TES: variants seen among roughly 807,000 people sequenced by gnomAD.
The protein encoded by TES is testin.
Under a neutral mutation model 48.2 loss-of-function variants are expected in TES, and 41 were observed. The ratio of observed to expected loss-of-function variants is 0.85; its 90% CI spans 0.66 to 1.10. The LOEUF (loss-of-function observed/expected upper bound fraction) is 1.10. Ranked by LOEUF, TES falls within the 50% of genes least tolerant of loss-of-function variation. The pLI, the probability that TES is intolerant of heterozygous loss-of-function variation, is 0.00. For missense variants in TES, 463 were observed against 515.1 expected (o/e 0.90, Z 0.98); for synonymous variants, 162 against 174.9 (o/e 0.93, Z 0.58).
At chr7:116,254,183 T>C (rs1284878205) in intron 6 of TES, among the ~76,000 whole-genome samples, 1 of 152,222 alleles carries the variant, frequency 6.6e-6, no homozygotes, top group Non-Finnish European at 1.5e-5. Context: ...TGCTGCTGTC[T>C]GACCTTTAGT....
chr7:116,243,987 C>T (rs1477445862), intron 2 of TES: 1 of 152,196 alleles, frequency 6.6e-6, no homozygotes, highest in Non-Finnish European at 1.5e-5. Context: ...CTCATGAGAA[C>T]TCACTCACCA....
chr7:116,239,919 G>T (rs144887905), intron 2 of TES, among the ~76,000 whole-genome samples: 1 of 152,266 alleles, frequency 6.6e-6, no homozygotes, highest in African/African-American at 2.4e-5. Context: ...TAATATAATT[G>T]CAACCATGTC....
In TES at chr7:116,252,378, T is replaced by C; in HGVS notation, c.979T>C (p.Cys327Arg). Reference sequence around the variant, plus strand: ...CCAGAATTGGCACCTGAAACACTTCTGCTGCTTTGACTGTGATAGCATTCT... The same window carrying C: ...CCAGAATTGGCACCTGAAACACTTCCGCTGCTTTGACTGTGATAGCATTCT... ...ENQNWHLKHF[C>R]CFDCDSILAG... Residue 327 changes from cysteine to arginine, a missense_variant, in exon 6 of 7, where the codon TGC becomes CGC. Physicochemically the swap from Cys to Arg is radical, Grantham distance 180 (BLOSUM62 -3). Transcript: ENST00000358204. The C allele has an allele frequency of 6.2e-7, 1 of 1,614,216 alleles. No individual in the cohort carries two copies. Among genetic ancestry groups the C allele is most frequent in the East Asian group, 2.2e-5 (1 of 44,882 alleles).
rs1800132531 is a variant in TES at position 116,258,186 on chromosome 7, CT to C, written c.*707del. On this transcript the variant is annotated 3_prime_UTR_variant, in exon 7 of 7. Transcript: ENST00000358204. ...ATAACAGTATCCACACTTTTTAGTT[CT>C]TTATTTTTTTTTTTTTATTTTGAGC... is the stretch of plus-strand genomic sequence containing the variant. 1 of 121,072 alleles carries C rather than the reference CT, an allele frequency of 8.3e-6. No individual in the cohort carries two copies. Among genetic ancestry groups the C allele is most frequent in the Non-Finnish European group, 1.7e-5 (1 of 58,048 alleles). The allele number at this position is 121,072 out of a possible 1,614,324, so 7.5% of individuals were successfully genotyped here. A position where few individuals can be genotyped will look rare whatever the true frequency, so the allele number is the denominator to read the frequency against.
intron 1 of TES, among the ~76,000 whole-genome samples, chr7:116,212,982 G>A (rs1398930049): frequency 1.3e-5 from 2 of 152,048 alleles, no homozygotes; most frequent in African/African-American, 2.4e-5. Flanking sequence ...CTGGTAAATT[G>A]GAAGCTATTA....
chr7:116,236,439 A>G (rs1799772348), intron 2 of TES, among the ~76,000 whole-genome samples: 1 of 152,206 alleles, frequency 6.6e-6, no homozygotes, highest in South Asian at 2.1e-4. Context: ...GCTTATGTAC[A>G]TAAGCTGTAT....
chr7:116,252,180 T>G, intron 5 of TES, 138 bp from the exon 6 acceptor site: 1 of 1,060,814 alleles, frequency 9.4e-7, no homozygotes, highest in Non-Finnish European at 1.3e-6. Context: ...AAAGATTGAT[T>G]TAGACTAAAC....
chr7:116,254,772 G>GTA (rs1800073096), intron 6 of TES, among the ~76,000 whole-genome samples: 2 of 151,124 alleles, frequency 1.3e-5, no homozygotes, highest in African/African-American at 4.9e-5. Flanking sequence ...GTGTGTGTGT[G>GTA]TGTGTGTGTG....
rs773971098 is a variant in TES, at chr7:116,234,540, T to C, written c.34T>C (p.Leu12=). ...GATGTTTTCTTTTTAACAGATGGGC[T>C]TAGGTCACGAGCAAGGATTTGGAGC... ...DLENKVKKMG[L]GHEQGFGAPC... Residue 12 remains leucine (L), a synonymous_variant, in exon 2 of 7, where the codon TTA becomes CTA. Transcript: ENST00000358204. 6.2e-7 allele frequency: 1 copy of C among 1,613,734 alleles called. No homozygotes were observed. Among genetic ancestry groups the C allele is most frequent in the South Asian group, 1.1e-5 (1 of 91,082 alleles).
At chr7:116,231,900 T>C (rs1440720730) in intron 1 of TES, among the ~76,000 whole-genome samples, 1 of 152,144 alleles carries the variant, frequency 6.6e-6, no homozygotes, top group Non-Finnish European at 1.5e-5. Flanking sequence ...GGAATGACCT[T>C]GGCCAAGAGG....
intron 2 of TES, among the ~76,000 whole-genome samples, chr7:116,237,778 C>T (rs533606246): frequency 6.6e-6 from 1 of 152,282 alleles, no homozygotes; most frequent in African/African-American, 2.4e-5. Flanking sequence ...TGAGGTCTCT[C>T]TTCCTGGCTT....
intron 1 of TES, among the ~76,000 whole-genome samples, chr7:116,230,939 T>C (rs541133963): frequency 6.6e-6 from 1 of 152,336 alleles, no homozygotes; most frequent in Non-Finnish European, 1.5e-5. Context: ...CTTATTTATC[T>C]TGTCTTCCTT....
intron 2 of TES, among the ~76,000 whole-genome samples, chr7:116,244,766 A>C (rs1799898227): frequency 6.6e-6 from 1 of 152,170 alleles, no homozygotes; most frequent in Admixed American, 6.5e-5. Context: ...CTGCCCCTGC[A>C]ATAAACTTCT....
At chr7:116,214,793 A>T (rs1173298672) in intron 1 of TES, among the ~76,000 whole-genome samples, 1 of 152,096 alleles carries the variant, frequency 6.6e-6, no homozygotes, top group Non-Finnish European at 1.5e-5. Context: ...GTGCATGCCC[A>T]TACTCCATCT....
chr7:116,240,649 T>C (rs1363695318), intron 2 of TES, among the ~76,000 whole-genome samples: 2 of 152,182 alleles, frequency 1.3e-5, no homozygotes, highest in African/African-American at 2.4e-5. Flanking sequence ...AAAAGAATCA[T>C]GAAAAAGACT....
chr7:116,238,107 A>G (rs1345378887), intron 2 of TES: 2 of 152,090 alleles, frequency 1.3e-5, no homozygotes, highest in African/African-American at 4.8e-5. Context: ...CACCTTGTAT[A>G]CTTACAGAAA....
Position 116,257,343 on chromosome 7 carries a change from CCT to C in TES, c.1128_1129del (p.Tyr377Ter). 1 of 1,613,878 alleles carries C rather than the reference CCT, an allele frequency of 6.2e-7. No homozygotes were observed. The highest frequency in any genetic ancestry group is 8.5e-7 in the Non-Finnish European group (1 of 1,179,936). ...ATCGACCCAGAAGTGCAGCGGGTGACCTATAACAATTTCAGCTGGCATGCATC... is the reference window on the plus strand; with the variant it reads ...ATCGACCCAGAAGTGCAGCGGGTGACATAACAATTTCAGCTGGCATGCATC... On this transcript the variant is annotated frameshift_variant, in exon 7 of 7. Transcript: ENST00000358204. LOFTEE classifies it high-confidence loss of function.
At chr7:116,218,311 T>TGGGCATTGAGCCCAGCAGAAAAGATG (rs5886811) in intron 1 of TES, among the ~76,000 whole-genome samples, 1 of 152,144 alleles carries the variant, frequency 6.6e-6, no homozygotes, top group South Asian at 2.1e-4. Context: ...GCAGAAAAGA[T>TGGGCATTGAGCCCAGCAGAAAAGATG]GGCATTCAGC....
intron 1 of TES, among the ~76,000 whole-genome samples, chr7:116,229,028 A>G (rs1359635822): frequency 1.7e-5 from 2 of 118,602 alleles, no homozygotes; most frequent in Non-Finnish European, 3.6e-5. Context: ...ATATATATAT[A>G]TATATAATCA....
Sources: gnomAD v4.1 joint callset for allele counts (sites outside exome capture counted in the v4.1 genomes callset) on GRCh38, gnomAD v4.1.1 for gene constraint, MANE v1.5 for transcripts, NCBI Gene and HGNC (gene_info 2026-07-23, HGNC 2026-07-21) for gene names.